Variants in TTLL4 observed in about 807,000 individuals in gnomAD.
TTLL4 encodes tubulin tyrosine ligase like 4.
In TTLL4, 85 loss-of-function variants were observed where a neutral mutation model predicts 122.7. The ratio of observed to expected loss-of-function variants is 0.69; its 90% confidence interval spans 0.58 to 0.83. TTLL4 has a LOEUF of 0.83. TTLL4 is among the 40% of genes least tolerant of loss of function. The pLI is 0.00. For synonymous variants in TTLL4, 553 were observed against 563.0 expected, an observed-to-expected ratio of 0.98 and a Z score of 0.25; for missense variants, 1,363 against 1,488.6, an observed-to-expected ratio of 0.92 and a Z score of 1.39.
chr2:218,743,288 C>G (rs1197950776), intron 5 of TTLL4, among the ~76,000 whole-genome samples: 21 of 152,234 alleles, frequency 1.4e-4, no homozygotes, highest in Admixed American at 1.4e-3. Flanking sequence ...CAGATAGAAT[C>G]ACAGCAGTAT....
chr2:218,745,620 T>A, intron 6 of TTLL4, 71 bp from the exon 7 acceptor site: 1 of 1,074,404 alleles, frequency 9.3e-7, no homozygotes, highest in Middle Eastern at 2.7e-4. Context: ...CATGCCATCT[T>A]TTTTGTCTTC....
downstream of TTLL4, among the ~76,000 whole-genome samples, chr2:218,759,722 A>G (rs1230579915): frequency 4.6e-5 from 7 of 152,216 alleles, no homozygotes; most frequent in East Asian, 1.3e-3. Flanking sequence ...TTTAAAAGAA[A>G]AACACCAGGA....
intron 8 of TTLL4, chr2:218,746,702 G>A (rs1942852847): frequency 4.7e-6 from 2 of 427,248 alleles, no homozygotes; most frequent in Non-Finnish European, 8.4e-6. Flanking sequence ...CTTACTAAAG[G>A]CGAAATGCTT....
intron 5 of TTLL4, among the ~76,000 whole-genome samples, chr2:218,740,851 TCTC>T (rs1387865469): frequency 6.6e-6 from 1 of 151,606 alleles, no homozygotes; most frequent in Non-Finnish European, 1.5e-5. Flanking sequence ...GGCAGGCGGA[TCTC>T]CTGAGGTCAG....
chr2:218,726,486 C>T lies in TTLL4; in HGVS notation c.-177-783C>T, dbSNP rs561080192. On this transcript the variant is annotated intron_variant, in intron 1 of 19. Transcript: ENST00000392102. ...TCTGTTGTTTATTTTTTTTCCGAGA[C>T]AGAGTCTCAGTCTGTCAGGCCCAGG... Among the ~76,000 whole-genome samples, 4 of 152,286 alleles carry T rather than the reference C, an allele frequency of 2.6e-5. No homozygotes were observed. The South Asian group carries it at 8.3e-4, about 32-fold the overall frequency.
intron 15 of TTLL4, 111 bp downstream of exon 15, chr2:218,750,257 T>A: frequency 6.9e-7 from 1 of 1,451,850 alleles, no homozygotes; most frequent in Non-Finnish European, 9.2e-7. Flanking sequence ...CCCTTGCTGC[T>A]CAATCTTGCC....
chr2:218,745,909 C>G, intron 7 of TTLL4, 108 bp downstream of exon 7: 1 of 1,069,180 alleles, frequency 9.4e-7, no homozygotes, highest in Non-Finnish European at 1.4e-6. Flanking sequence ...CAGCTGGGGC[C>G]CTCTCCTGAA....
At chr2:218,713,595 A>G (rs1559354223) in intron 1 of TTLL4, among the ~76,000 whole-genome samples, 1 of 152,186 alleles carries the variant, frequency 6.6e-6, no homozygotes, top group Non-Finnish European at 1.5e-5. Context: ...GTTACCTTAT[A>G]TGTAAGGAAC....
intron 5 of TTLL4, among the ~76,000 whole-genome samples, chr2:218,742,657 T>C (rs2106442490): frequency 6.6e-6 from 1 of 152,308 alleles, no homozygotes; most frequent in South Asian, 2.1e-4. Flanking sequence ...TTTTTGTTTG[T>C]TTTTTAAATT....
chr2:218,757,163 G>A (rs892196084), downstream of TTLL4, among the ~76,000 whole-genome samples: 2 of 152,164 alleles, frequency 1.3e-5, no homozygotes, highest in African/African-American at 2.4e-5. Context: ...TTCTCCACTT[G>A]CTGTCCAAGC....
intron 1 of TTLL4, among the ~76,000 whole-genome samples, chr2:218,726,195 G>T (rs139736707): frequency 4.5e-4 from 69 of 152,162 alleles, no homozygotes; most frequent in Middle Eastern, 3.4e-3. Context: ...TATTCTTGGA[G>T]GGTAGTTTTT....
chr2:218,753,514 A>C (rs6436073), intron 18 of TTLL4, 70 bp from the exon 19 acceptor site: 700,229 of 1,467,962 alleles, frequency 0.48, 173,695 homozygotes, highest in African/African-American at 0.74. Context: ...GCTGGAGGGT[A>C]CCAAGACCCC....
chr2:218,746,865 C>A, intron 8 of TTLL4, 138 bp from the exon 9 acceptor site: 1 of 868,342 alleles, frequency 1.2e-6, no homozygotes, highest in Non-Finnish European at 1.8e-6. Context: ...ACTTGAGGAC[C>A]ATTAGGGTGG....
intron 1 of TTLL4, among the ~76,000 whole-genome samples, chr2:218,725,077 T>G (rs6707594): frequency 0.035 from 5,249 of 152,118 alleles, 145 homozygotes; most frequent in South Asian, 0.073. Context: ...TTTTTATTTT[T>G]TATTATTATT....
chr2:218,738,156 C>G lies in TTLL4; in HGVS notation c.480C>G (p.Asn160Lys), dbSNP rs1424711461. 2 of 1,614,106 alleles carry G rather than the reference C, an allele frequency of 1.2e-6. No individual in the cohort carries two copies. The highest frequency in any genetic ancestry group is 1.7e-6 in the Non-Finnish European group (2 of 1,180,026). Reference sequence around the variant, plus strand: ...GCCTCCCTGTCAGTCTCACTGCCAACAAGGCCACTTCTTCCATGGTCTTCT... The same window carrying G: ...GCCTCCCTGTCAGTCTCACTGCCAAGAAGGCCACTTCTTCCATGGTCTTCT... ...QKSLPVSLTA[N>K]KATSSMVFSM... Residue 160 changes from asparagine to lysine, a missense_variant, in exon 3 of 20, where the codon AAC becomes AAG. Physicochemically the swap from Asn to Lys is moderately conservative, Grantham distance 94. This residue lies in a region of TTLL4 where 760 missense variants were observed against 808.4 expected (regional missense o/e 0.94). Transcript: ENST00000392102.
chr2:218,748,071 A>G (rs1326295389), intron 11 of TTLL4, 34 bp from the exon 12 acceptor site: 70 of 1,613,800 alleles, frequency 4.3e-5, no homozygotes, highest in Non-Finnish European at 5.4e-5. Context: ...CTCTGTTACC[A>G]TCTTACCTCT....
chr2:218,714,108 G>T (rs1416087208), intron 1 of TTLL4, among the ~76,000 whole-genome samples: 1 of 152,162 alleles, frequency 6.6e-6, no homozygotes, highest in Non-Finnish European at 1.5e-5. Flanking sequence ...ACGTGGAAGG[G>T]ATTGCTCTGG....
rs749103253 is a variant in TTLL4, at chr2:218,738,650, C to T, written c.974C>T (p.Ser325Phe). ...EPLSCALDDSSDSQDPTKEIR... is the reference protein window; with the variant it reads ...EPLSCALDDSFDSQDPTKEIR... ...CTTTCCTGTGCTCTGGATGACAGCT[C>T]TGATTCCCAGGATCCAACTAAGGAG... is the stretch of plus-strand genomic sequence containing the variant. The change falls in exon 3 of 20, where the codon TCT becomes TTT. Residue 325 changes from serine to phenylalanine, a missense_variant. Around this residue, in one of 3 missense-constraint regions of TTLL4, gnomAD observed 760 missense variants for 808.4 expected, o/e 0.94. Transcript: ENST00000392102. The T allele has an allele frequency of 6.2e-7, 1 of 1,614,224 alleles. No homozygotes were observed. Among genetic ancestry groups the T allele is most frequent in the South Asian group, 1.1e-5 (1 of 91,090 alleles).
intron 2 of TTLL4, among the ~76,000 whole-genome samples, chr2:218,734,202 A>G (rs1400920375): frequency 1.3e-5 from 2 of 152,236 alleles, no homozygotes; most frequent in East Asian, 3.8e-4. Context: ...CATCATCAGT[A>G]AACTGAATGT....
Sources: allele counts gnomAD v4.1 joint callset (sites outside exome capture counted in the v4.1 genomes callset), GRCh38; gene constraint gnomAD v4.1.1; regional missense constraint gnomAD v4.1.1; transcripts MANE v1.5; gene names NCBI Gene and HGNC (gene_info 2026-07-23, HGNC 2026-07-21).